The following GRHL2 variants were observed in gnomAD, a reference collection of about 807,000 sequenced individuals.
The protein encoded by GRHL2 is grainyhead-like protein 2 homolog.
A neutral mutation model predicts 83.8 loss-of-function variants in GRHL2; 21 were observed. The observed-to-expected ratio is 0.25, with a 90% CI of 0.18 to 0.36. The LOEUF (loss-of-function observed/expected upper bound fraction) is 0.36, where lower values mean the gene tolerates loss of function less well. Ranked by LOEUF, GRHL2 falls within the 10% of genes least tolerant of loss-of-function variation. GRHL2 has a pLI of 1.00. For missense variants in GRHL2, 623 were observed against 781.8 expected, an observed-to-expected ratio of 0.80 and a Z score of 2.42; for synonymous variants, 280 against 278.9, an observed-to-expected ratio of 1.00 and a Z score of -0.04.
intron 4 of GRHL2, among the ~76,000 whole-genome samples, chr8:101,561,047 T>C (rs1218764156): frequency 6.6e-6 from 1 of 152,146 alleles, no homozygotes; most frequent in East Asian, 1.9e-4. Flanking sequence ...ATTTAAGAAA[T>C]CTTTCCCTAA....
chr8:101,673,455 A>C (rs1397950339), downstream of GRHL2, among the ~76,000 whole-genome samples: 2 of 150,524 alleles, frequency 1.3e-5, no homozygotes, highest in African/African-American at 4.9e-5. Flanking sequence ...GAGACAAAGA[A>C]GGCCATTATA....
rs865999485 is a variant in GRHL2 at position 101,547,776 on chromosome 8, T to C, written c.216+4340T>C. ...ATTTGGAGCTTAATAAGTTGCTTAC[T>C]CATAAAGTGGTGTTTATTTTTTAAA... On this transcript the variant is annotated intron_variant, in intron 2 of 15. Transcript: ENST00000646743. Among the ~76,000 whole-genome samples the C allele has an allele frequency of 2.0e-5, 3 of 152,334 alleles. No individual in the cohort carries two copies. The Middle Eastern group carries it at 0.01, about 518-fold the overall frequency.
intron 1 of GRHL2, among the ~76,000 whole-genome samples, chr8:101,495,420 T>C (rs1810077035): frequency 6.6e-6 from 1 of 152,262 alleles, no homozygotes; most frequent in African/African-American, 2.4e-5. Context: ...GCAGTGTTGA[T>C]GCTATCGCCA....
Position 101,551,382 on chromosome 8 carries a change from G to C in GRHL2, c.217-1333G>C, listed in dbSNP as rs550857171. The stretch of plus-strand genomic sequence containing the variant: ...AGAGTTTACTGAGTGGTAGAGATGA[G>C]ATTTGAACCCAGGCAAGCAGGCTCT... On this transcript the variant is annotated intron_variant, in intron 2 of 15. Coordinates refer to ENST00000646743, the MANE Select transcript of GRHL2 (RefSeq NM_024915.4). Among the ~76,000 whole-genome samples, 32 of 152,270 alleles carry C rather than the reference G, an allele frequency of 2.1e-4. No homozygotes were observed. In the South Asian group the frequency reaches 6.4e-3, roughly 31 times the overall value.
intron 1 of GRHL2, among the ~76,000 whole-genome samples, chr8:101,496,575 G>A (rs1342740699): frequency 6.6e-6 from 1 of 152,038 alleles, no homozygotes. Flanking sequence ...TGTGTGTTGG[G>A]GGTGGGGGAA....
At chr8:101,514,937 TTTC>T (rs765481526) in intron 1 of GRHL2, among the ~76,000 whole-genome samples, 64 of 144,810 alleles carry the variant, frequency 4.4e-4, no homozygotes, top group Admixed American at 1.4e-3. Flanking sequence ...CTTCTCCTTT[TTTC>T]TTCTTCCTTT....
intron 7 of GRHL2, among the ~76,000 whole-genome samples, chr8:101,578,327 C>T (rs1811974686): frequency 6.6e-6 from 1 of 152,128 alleles, no homozygotes; most frequent in Non-Finnish European, 1.5e-5. Context: ...GAAAGCACAG[C>T]AGAATTGCTG....
intron 8 of GRHL2, 71 bp from the exon 9 acceptor site, chr8:101,619,468 C>T: frequency 1.4e-6 from 2 of 1,416,344 alleles, no homozygotes; most frequent in East Asian, 4.6e-5. Flanking sequence ...GACTTAAAGT[C>T]TAAAGTTTAT....
chr8:101,556,209 G>A (rs763765130), intron 3 of GRHL2, among the ~76,000 whole-genome samples: 1 of 152,018 alleles, frequency 6.6e-6, no homozygotes, highest in Non-Finnish European at 1.5e-5. Flanking sequence ...CACCCACCTC[G>A]GCCTCCCAAA....
At chr8:101,546,412 A>ATT (rs57173859) in intron 2 of GRHL2, among the ~76,000 whole-genome samples, 6 of 141,598 alleles carry the variant, frequency 4.2e-5, no homozygotes, top group Non-Finnish European at 7.8e-5. Context: ...ATAATTAGTA[A>ATT]TTTTTTTTTT....
At chr8:101,542,325 T>G (rs1811170520) in intron 1 of GRHL2, among the ~76,000 whole-genome samples, 1 of 152,050 alleles carries the variant, frequency 6.6e-6, no homozygotes, top group Non-Finnish European at 1.5e-5. Flanking sequence ...CCTGTAATCC[T>G]TGCACTCTGG....
Position 101,664,457 on chromosome 8 carries a change from T to A in GRHL2, c.1702T>A (p.Ser568Thr). 6.2e-7 allele frequency: 1 copy of A among 1,613,072 alleles called. No individual in the cohort carries two copies. ...PTVKGLMEAI[S>T]EKYGLPVEKI... ...CTTCTTGTTATTGGTATTACAGATA[T>A]CTGAGAAATATGGGCTGCCCGTGGA... Residue 568 changes from serine to threonine, a missense_variant, in exon 15 of 16, where the codon TCT becomes ACT. Ser to Thr is a moderately conservative substitution (Grantham distance 58, BLOSUM62 1). This residue lies in a region of GRHL2 where 210 missense variants were observed against 254.8 expected (regional missense o/e 0.82). Coordinates refer to ENST00000646743, the MANE Select transcript of GRHL2 (RefSeq NM_024915.4).
chr8:101,607,035 C>T (rs1361657552), intron 8 of GRHL2, among the ~76,000 whole-genome samples: 1 of 152,160 alleles, frequency 6.6e-6, no homozygotes, highest in Non-Finnish European at 1.5e-5. Context: ...GAAAGGCTGG[C>T]TTGTATTCGG....
intron 1 of GRHL2, among the ~76,000 whole-genome samples, chr8:101,494,478 TTGTC>T (rs972412293): frequency 4.0e-5 from 6 of 151,884 alleles, no homozygotes; most frequent in African/African-American, 1.5e-4. Flanking sequence ...GAGTGTGTGG[TTGTC>T]TGAGAACACC....
chr8:101,564,611 G>A lies in GRHL2; in HGVS notation c.679-5728G>A, dbSNP rs186936911. On this transcript the variant is annotated intron_variant, in intron 4 of 15. Coordinates refer to ENST00000646743, the MANE Select transcript of GRHL2 (RefSeq NM_024915.4). ...ATTTGAGCCCATGAGTTCAAGACTA[G>A]CCTGGGCAACATAGTGAGACCCTGT... Among the ~76,000 whole-genome samples the A allele has an allele frequency of 2.6e-5, 4 of 151,944 alleles. No homozygotes were observed. In the East Asian group the frequency reaches 7.7e-4, roughly 29 times the overall value.
intron 14 of GRHL2, among the ~76,000 whole-genome samples, chr8:101,659,917 A>G (rs1489044990): frequency 6.6e-6 from 1 of 152,194 alleles, no homozygotes; most frequent in Non-Finnish European, 1.5e-5. Flanking sequence ...AAGGAATTTG[A>G]TATTCTAAAG....
intron 1 of GRHL2, among the ~76,000 whole-genome samples, chr8:101,509,030 C>T (rs1810395265): frequency 6.6e-6 from 1 of 151,998 alleles, no homozygotes; most frequent in African/African-American, 2.4e-5. Flanking sequence ...AGGTCTGCCA[C>T]TATTTTTCAT....
At chr8:101,620,818 T>C (rs959464146) in intron 9 of GRHL2, among the ~76,000 whole-genome samples, 1 of 152,044 alleles carries the variant, frequency 6.6e-6, no homozygotes, top group Non-Finnish European at 1.5e-5. Flanking sequence ...ATCTAGTGGA[T>C]TCTAATTTGC....
chr8:101,640,750 A>T (rs1389956219), intron 12 of GRHL2, among the ~76,000 whole-genome samples: 1 of 152,178 alleles, frequency 6.6e-6, no homozygotes, highest in Non-Finnish European at 1.5e-5. Context: ...TTGGGGCAGT[A>T]GTATCCTTGG....
Sources: gnomAD v4.1 joint callset for allele counts (sites outside exome capture counted in the v4.1 genomes callset) on GRCh38, gnomAD v4.1.1 for gene constraint, gnomAD v4.1.1 regional missense constraint, MANE v1.5 for transcripts, NCBI Gene and HGNC (gene_info 2026-07-23, HGNC 2026-07-21) for gene names.